The following SLC35D1 variants were observed in gnomAD, a reference collection of about 807,000 sequenced individuals.
SLC35D1 encodes the protein nucleotide sugar transporter SLC35D1.
Under a neutral mutation model 46.7 loss-of-function variants are expected in SLC35D1, and 31 were observed. The observed-to-expected ratio is 0.66, with a 90% CI of 0.50 to 0.90. SLC35D1 has a LOEUF of 0.90. SLC35D1 is among the 40% of genes least tolerant of loss of function. The pLI, the probability that SLC35D1 is intolerant of heterozygous loss-of-function variation, is 0.00. For missense variants in SLC35D1, 397 were observed against 426.2 expected, an observed-to-expected ratio of 0.93 and a Z score of 0.60; for synonymous variants, 195 against 164.6, an observed-to-expected ratio of 1.18 and a Z score of -1.41.
chr1:66,976,842 G>A, the SLC35D1 span: 2 of 792,650 alleles, frequency 2.5e-6, no homozygotes, highest in African/African-American at 1.8e-5. Flanking sequence ...TAACCAGAAG[G>A]CCGAGAGTGA....
rs1667773667 is a variant in SLC35D1, at chr1:67,020,449, T to C, written c.798-2A>G. ...ACTGTGGCGTACATTAAGATAAACC[T>C]AGAATGAAGAAAGAGGTATAAAATC... On this transcript the variant is annotated splice_acceptor_variant, in intron 9 of 11. Coordinates refer to ENST00000235345, the MANE Select transcript of SLC35D1 (RefSeq NM_015139.3). LOFTEE classifies it high-confidence loss of function. 1 of 1,597,236 alleles carries C rather than the reference T, an allele frequency of 6.3e-7. No homozygotes were observed. The highest frequency in any genetic ancestry group is 8.6e-7 in the Non-Finnish European group (1 of 1,164,868).
chr1:66,983,113 G>T, the SLC35D1 span, among the ~76,000 whole-genome samples: 2 of 152,194 alleles, frequency 1.3e-5, no homozygotes, highest in African/African-American at 4.8e-5. Context: ...ATTACTTGTA[G>T]CTCAAAAGCC....
At chr1:67,035,733 G>C (rs1367822611) in intron 8 of SLC35D1, among the ~76,000 whole-genome samples, 1 of 147,850 alleles carries the variant, frequency 6.8e-6, no homozygotes, top group Non-Finnish European at 1.5e-5. Flanking sequence ...CTAATTTTGG[G>C]TTTGGAACCC....
chr1:67,019,105 C>A (rs1667744282), intron 10 of SLC35D1, among the ~76,000 whole-genome samples: 1 of 152,150 alleles, frequency 6.6e-6, no homozygotes, highest in South Asian at 2.1e-4. Context: ...ATTTGTATCC[C>A]ATGTTGATAA....
At chr1:67,015,899 T>C (rs926779931) in intron 10 of SLC35D1, among the ~76,000 whole-genome samples, 1 of 152,176 alleles carries the variant, frequency 6.6e-6, no homozygotes, top group African/African-American at 2.4e-5. Flanking sequence ...CGTTGACTAA[T>C]GATATCTTTT....
rs574292496 is a variant in SLC35D1, at chr1:67,002,098, C to G, written c.*2242G>C. On this transcript the variant is annotated 3_prime_UTR_variant, in exon 12 of 12. Transcript: ENST00000235345. ...GAAATATTCTACAACAAAAATTATT[C>G]AAACGTCCCTCCTTCATGTTGCTGA... 1 of 152,452 alleles carries G rather than the reference C, an allele frequency of 6.6e-6. No homozygotes were observed. The highest frequency in any genetic ancestry group is 2.1e-4 in the South Asian group (1 of 4,822). 9.4% of individuals were successfully genotyped at this position (152,452 alleles called of 1,614,324 possible).
intron 7 of SLC35D1, among the ~76,000 whole-genome samples, chr1:67,043,704 A>G (rs1052999125): frequency 1.3e-5 from 2 of 152,220 alleles, no homozygotes; most frequent in Admixed American, 6.5e-5. Context: ...TAAGATTACT[A>G]TAACTACAGC....
intron 8 of SLC35D1, among the ~76,000 whole-genome samples, chr1:67,039,906 C>T (rs1396903324): frequency 6.6e-6 from 1 of 152,036 alleles, no homozygotes; most frequent in Non-Finnish European, 1.5e-5. Context: ...TATCCAAAGT[C>T]AGATGGTGGT....
chr1:67,004,696 T>C (rs1302740419), intron 11 of SLC35D1, among the ~76,000 whole-genome samples: 2 of 152,208 alleles, frequency 1.3e-5, no homozygotes, highest in African/African-American at 4.8e-5. Context: ...TCAAGCATTG[T>C]CTAATCCCAT....
chr1:67,053,293 T>TAAA (rs111862174), intron 1 of SLC35D1, among the ~76,000 whole-genome samples: 7 of 147,064 alleles, frequency 4.8e-5, no homozygotes, highest in Admixed American at 1.3e-4. Flanking sequence ...TCACACACCT[T>TAAA]AAAAAAAAAA....
chr1:67,030,309 G>T (rs998164374), intron 8 of SLC35D1, among the ~76,000 whole-genome samples: 6 of 152,150 alleles, frequency 3.9e-5, no homozygotes, highest in Non-Finnish European at 5.9e-5. Context: ...AGAAATCTCA[G>T]CCCTAAAACC....
At chr1:66,980,210 T>G in the SLC35D1 span, among the ~76,000 whole-genome samples, 2 of 152,214 alleles carry the variant, frequency 1.3e-5, no homozygotes, top group Non-Finnish European at 2.9e-5. Context: ...TGCTTCAAAT[T>G]TGTTATGTAA....
rs573298128 is a variant in SLC35D1, at chr1:67,044,284, T to C, written c.637-1956A>G. Among the ~76,000 whole-genome samples the C allele has an allele frequency of 8.1e-5, 12 of 148,460 alleles. No individual in the cohort carries two copies. The South Asian group carries it at 2.3e-3, about 29-fold the overall frequency. On this transcript the variant is annotated intron_variant, in intron 7 of 11. Transcript: ENST00000235345. ...CCAGGAGACACAGGCTGCAGTAAGC[T>C]GATGTGCCACTGCACTCCAGGCTGG...
the SLC35D1 span, among the ~76,000 whole-genome samples, chr1:66,979,472 A>G: frequency 1.8e-4 from 27 of 152,270 alleles, no homozygotes; most frequent in South Asian, 3.7e-3. Flanking sequence ...CATTGTCCCT[A>G]TTTACTACCT....
the SLC35D1 span, among the ~76,000 whole-genome samples, chr1:66,978,325 A>G: frequency 6.6e-6 from 1 of 152,210 alleles, no homozygotes; most frequent in African/African-American, 2.4e-5. Context: ...TTAGAAGGTC[A>G]AATGCTCTAA....
chr1:67,054,103 C>G lies in SLC35D1; in HGVS notation c.-90G>C. 8 of 1,353,606 alleles carry G rather than the reference C, an allele frequency of 5.9e-6. 1 individual carries two copies. In the South Asian group the frequency reaches 1.0e-4, roughly 17 times the overall value. The allele number at this position is 1,353,606 out of a possible 1,614,324, so 83.8% of individuals were successfully genotyped here. On this transcript the variant is annotated 5_prime_UTR_variant, in exon 1 of 12. Coordinates refer to ENST00000235345, the MANE Select transcript of SLC35D1 (RefSeq NM_015139.3). ...CCCAGGGGACTCCAGGAGTTGGGGA[C>G]CGCAGACTAGGCCAGCTGCGCGCTC...
Position 67,041,268 on chromosome 1 carries a change from T to C in SLC35D1, c.729+968A>G, listed in dbSNP as rs529035045. Among the ~76,000 whole-genome samples, 11 of 152,272 alleles carry C rather than the reference T, an allele frequency of 7.2e-5. No individual in the cohort carries two copies. In the South Asian group the frequency reaches 2.3e-3, roughly 32 times the overall value. On this transcript the variant is annotated intron_variant, in intron 8 of 11. Coordinates refer to ENST00000235345, the MANE Select transcript of SLC35D1 (RefSeq NM_015139.3). ...ATTTTTAGGCCTGCTGGCAGGTAGG[T>C]CACAGTTCATTAAAACATTTACACG...
At chr1:67,033,074 T>C (rs1668049858) in intron 8 of SLC35D1, among the ~76,000 whole-genome samples, 1 of 152,228 alleles carries the variant, frequency 6.6e-6, no homozygotes, top group Non-Finnish European at 1.5e-5. Flanking sequence ...AATTTCAGCA[T>C]CTCCTTTTTT....
the SLC35D1 span, among the ~76,000 whole-genome samples, chr1:66,991,004 G>A: frequency 2.6e-5 from 4 of 152,080 alleles, no homozygotes; most frequent in Non-Finnish European, 4.4e-5. Context: ...CCTGCTTAGG[G>A]CCTAACTCTG....
Sources: allele counts gnomAD v4.1 joint callset (sites outside exome capture counted in the v4.1 genomes callset), GRCh38; gene constraint gnomAD v4.1.1; transcripts MANE v1.5; gene names NCBI Gene and HGNC (gene_info 2026-07-23, HGNC 2026-07-21).